The following CELF2 variants were observed in gnomAD, a reference collection of about 807,000 sequenced individuals.
CELF2 encodes CUGBP Elav-like family member 2.
A neutral mutation model predicts 62.6 loss-of-function variants in CELF2; 8 were observed. The observed-to-expected ratio is 0.13, with a 90% CI of 0.07 to 0.23. The LOEUF (loss-of-function observed/expected upper bound fraction) is 0.23, where lower values mean the gene tolerates loss of function less well. Ranked by LOEUF, CELF2 falls within the 10% of genes least tolerant of loss-of-function variation. The pLI is 1.00. For missense variants in CELF2, 333 were observed against 671.0 expected, an observed-to-expected ratio of 0.50 and a Z score of 5.56; for synonymous variants, 258 against 250.0, an observed-to-expected ratio of 1.03 and a Z score of -0.30.
At chr10:10,715,383 T>A in the CELF2 span, among the ~76,000 whole-genome samples, 1 of 152,204 alleles carries the variant, frequency 6.6e-6, no homozygotes, top group Non-Finnish European at 1.5e-5. Flanking sequence ...TTAATTATAG[T>A]TCCTTTGTTT....
Position 11,224,533 on chromosome 10 carries a change from G to A in CELF2, c.354+7026G>A, listed in dbSNP as rs1243423530. 6.6e-6 allele frequency among the ~76,000 whole-genome samples: 1 copy of A among 152,154 alleles called. No individual in the cohort carries two copies. Among genetic ancestry groups the A allele is most frequent in the African/African-American group, 2.4e-5 (1 of 41,446 alleles). On this transcript the variant is annotated intron_variant, in intron 3 of 12. Coordinates refer to ENST00000633077, the MANE Select transcript of CELF2 (RefSeq NM_001326342.2). The surrounding 1 kb of genome is among the most constrained non-coding windows in gnomAD (Gnocchi z 4.5). ...AAAGAAGATTGTGGGGGAGGCGGGG[G>A]ATCCATGAATTTGATTAAAGGTCTG...
the CELF2 span, among the ~76,000 whole-genome samples, chr10:10,570,682 C>T: frequency 1.3e-5 from 2 of 151,758 alleles, no homozygotes; most frequent in Admixed American, 6.6e-5. Context: ...ATAAGAGTAG[C>T]ACAGTTAAGG....
At chr10:10,898,372 G>A (rs536044294) in intron 1 of CELF2, among the ~76,000 whole-genome samples, 18 of 152,334 alleles carry the variant, frequency 1.2e-4, no homozygotes, top group Admixed American at 2.6e-4. Context: ...AGAAATTTGA[G>A]AGAATCAATT....
chr10:11,323,980 T>C (rs933535517), intron 11 of CELF2, among the ~76,000 whole-genome samples: 5 of 152,124 alleles, frequency 3.3e-5, no homozygotes, highest in African/African-American at 9.7e-5. Context: ...CCAAACTGTT[T>C]CTTGGTGATG....
At chr10:11,208,250 A>C (rs1177948399) in intron 2 of CELF2, among the ~76,000 whole-genome samples, 1 of 151,738 alleles carries the variant, frequency 6.6e-6, no homozygotes, top group African/African-American at 2.4e-5. Flanking sequence ...CCTTGGCCCT[A>C]TGAAGGTTCA....
In CELF2 at chr10:11,121,978, G is replaced by A. The variant is rs375870820; in HGVS notation, c.75-43508G>A. Among the ~76,000 whole-genome samples the A allele has an allele frequency of 1.5e-4, 23 of 152,244 alleles. No individual in the cohort carries two copies. The South Asian group carries it at 3.3e-3, about 22-fold the overall frequency. On this transcript the variant is annotated intron_variant, in intron 1 of 12. Coordinates refer to ENST00000633077, the MANE Select transcript of CELF2 (RefSeq NM_001326342.2). ...TTTTGTCCATGTGTGCCAGATAACCGCATAGCCCAGCATGATGGCAGATTA... is the reference window on the plus strand; with the variant it reads ...TTTTGTCCATGTGTGCCAGATAACCACATAGCCCAGCATGATGGCAGATTA...
chr10:10,933,526 T>C (rs1355227145), intron 2 of CELF2, among the ~76,000 whole-genome samples: 1 of 152,134 alleles, frequency 6.6e-6, no homozygotes, highest in Non-Finnish European at 1.5e-5. Context: ...TATTATGCAA[T>C]AGAGCAACAA....
At chr10:10,639,849 G>T in the CELF2 span, among the ~76,000 whole-genome samples, 1 of 152,134 alleles carries the variant, frequency 6.6e-6, no homozygotes, top group Non-Finnish European at 1.5e-5. Flanking sequence ...ATGAAGGAGA[G>T]ACTGAAGGAG....
Position 11,220,058 on chromosome 10 carries a change from T to C in CELF2, c.354+2551T>C, listed in dbSNP as rs1487754724. Reference sequence around the variant, plus strand: ...GATGCACTTTGCCATATGCCTTCAATTTCTTTCTGAATAAAACTAAAAGTG... The same window carrying C: ...GATGCACTTTGCCATATGCCTTCAACTTCTTTCTGAATAAAACTAAAAGTG... On this transcript the variant is annotated intron_variant, in intron 3 of 12. Transcript: ENST00000633077. This position sits in a 1 kb window ranked among gnomAD's most constrained non-coding sequence, Gnocchi z 4.4. Among the ~76,000 whole-genome samples, 1 of 152,238 alleles carries C rather than the reference T, an allele frequency of 6.6e-6. No individual in the cohort carries two copies. Among genetic ancestry groups the C allele is most frequent in the Non-Finnish European group, 1.5e-5 (1 of 68,040 alleles).
At chr10:10,695,747 T>G in the CELF2 span, among the ~76,000 whole-genome samples, 2 of 152,180 alleles carry the variant, frequency 1.3e-5, no homozygotes, top group Admixed American at 1.3e-4. Context: ...CTCGCTTCAT[T>G]TCATTCATTT....
chr10:11,106,392 G>A (rs1260959403), intron 1 of CELF2, among the ~76,000 whole-genome samples: 1 of 151,992 alleles, frequency 6.6e-6, no homozygotes, highest in Non-Finnish European at 1.5e-5. Context: ...ATGCACCACC[G>A]TGCCCGGCTA....
At chr10:11,271,437 T>C (rs1277973896) in intron 7 of CELF2, among the ~76,000 whole-genome samples, 1 of 152,048 alleles carries the variant, frequency 6.6e-6, no homozygotes, top group African/African-American at 2.4e-5. Flanking sequence ...TTTAAGACAG[T>C]CCCCCGAGCG....
At chr10:10,737,249 C>T in the CELF2 span, among the ~76,000 whole-genome samples, 8 of 152,154 alleles carry the variant, frequency 5.3e-5, no homozygotes, top group South Asian at 1.2e-3. Flanking sequence ...CTCTTTAATC[C>T]TTATTTTTGA....
chr10:10,877,754 C>G (rs1432040158), intron 1 of CELF2, among the ~76,000 whole-genome samples: 2 of 152,192 alleles, frequency 1.3e-5, no homozygotes, highest in East Asian at 1.9e-4. Context: ...AGGAGGGAAC[C>G]ATTTTACTGC....
intron 9 of CELF2, among the ~76,000 whole-genome samples, chr10:11,293,822 G>A (rs1184660302): frequency 1.3e-5 from 2 of 152,048 alleles, no homozygotes; most frequent in Non-Finnish European, 2.9e-5. Flanking sequence ...CAGTGGAATA[G>A]CGAAGCAAAA....
At chr10:10,506,202 C>G in the CELF2 span, among the ~76,000 whole-genome samples, 1 of 151,482 alleles carries the variant, frequency 6.6e-6, no homozygotes, top group African/African-American at 2.4e-5. Context: ...ATCATTGGAG[C>G]TTCTCTCTTG....
chr10:10,887,546 C>T (rs1161941701), intron 1 of CELF2, among the ~76,000 whole-genome samples: 1 of 152,128 alleles, frequency 6.6e-6, no homozygotes, highest in African/African-American at 2.4e-5. Context: ...ACTAATAGTA[C>T]CAAAACCCAT....
At chr10:11,031,230 T>A (rs548903009) in intron 1 of CELF2, among the ~76,000 whole-genome samples, 11 of 152,274 alleles carry the variant, frequency 7.2e-5, no homozygotes, top group Non-Finnish European at 1.6e-4. Flanking sequence ...GTAACATCCG[T>A]TTTTACTCCC....
intron 1 of CELF2, among the ~76,000 whole-genome samples, chr10:10,873,711 C>T (rs2060904950): frequency 1.3e-5 from 2 of 152,196 alleles, no homozygotes; most frequent in Admixed American, 6.5e-5. Flanking sequence ...AATCGAAGAT[C>T]TGTTCATCTC....
Sources: allele counts gnomAD v4.1 joint callset (sites outside exome capture counted in the v4.1 genomes callset), GRCh38; gene constraint gnomAD v4.1.1; non-coding constraint Gnocchi (gnomAD v3.1); transcripts MANE v1.5; gene names NCBI Gene and HGNC (gene_info 2026-07-23, HGNC 2026-07-21).